The following XKR4 variants were observed in gnomAD, a reference collection of about 807,000 sequenced individuals.
XKR4 encodes XK-related protein 4.
A neutral mutation model predicts 53.9 loss-of-function variants in XKR4; 12 were observed. The observed-to-expected ratio is 0.22, with a 90% CI of 0.14 to 0.36. XKR4 has a LOEUF of 0.36. Among genes scored for constraint, XKR4 ranks in the 10% least tolerant of loss-of-function variants. The probability of loss-of-function intolerance (pLI) is 1.00; values close to 1 mark genes in which losing one functional copy is unlikely to be tolerated. For missense variants in XKR4, 799 were observed against 859.5 expected (o/e 0.93, Z 0.88); for synonymous variants, 354 against 362.4 (o/e 0.98, Z 0.26).
intron 1 of XKR4, among the ~76,000 whole-genome samples, chr8:55,160,373 G>A (rs1816966979): frequency 6.6e-6 from 1 of 152,216 alleles, no homozygotes; most frequent in Admixed American, 6.5e-5. Context: ...AGTGAGGAGG[G>A]AGTAGGATCA....
chr8:55,450,207 A>G, intron 2 of XKR4: 1 of 651,860 alleles, frequency 1.5e-6, no homozygotes, highest in Non-Finnish European at 2.8e-6. Flanking sequence ...GCCACACCAC[A>G]CAGCACCTGC....
At chr8:55,479,725 C>T (rs1052366122) in intron 2 of XKR4, among the ~76,000 whole-genome samples, 41 of 152,064 alleles carry the variant, frequency 2.7e-4, no homozygotes, top group Non-Finnish European at 3.4e-4. Flanking sequence ...ATATCACCAC[C>T]AATCCCACAG....
At chr8:55,271,898 C>G (rs1818695919) in intron 1 of XKR4, among the ~76,000 whole-genome samples, 1 of 152,204 alleles carries the variant, frequency 6.6e-6, no homozygotes, top group Admixed American at 6.5e-5. Context: ...GGCTGGCTTC[C>G]TGGGTTGCTT....
At chr8:55,446,027 G>A (rs1283027572) in intron 2 of XKR4, among the ~76,000 whole-genome samples, 1 of 152,172 alleles carries the variant, frequency 6.6e-6, no homozygotes, top group East Asian at 1.9e-4. Context: ...GCTGATTGAT[G>A]GAGTGAGCCA....
At position 55,534,304 on chromosome 8, in the gene XKR4, T is replaced by C. The variant is rs1197391114; in HGVS notation, c.*10077T>C. ...TTTCTATGTGGAATTGGCTATCCTG[T>C]TGCTTCTCAGGCCCTGCAAAACCTT... On this transcript the variant is annotated 3_prime_UTR_variant, in exon 3 of 3. Coordinates refer to ENST00000327381, the MANE Select transcript of XKR4 (RefSeq NM_052898.2). The C allele has an allele frequency of 6.6e-6, 1 of 151,754 alleles. No individual in the cohort carries two copies. Among genetic ancestry groups the C allele is most frequent in the Non-Finnish European group, 1.5e-5 (1 of 67,972 alleles). The allele number at this position is 151,754 out of a possible 1,614,324, so 9.4% of individuals were successfully genotyped here. A position where few individuals can be genotyped will look rare whatever the true frequency, so the allele number is the denominator to read the frequency against.
chr8:55,363,208 G>A (rs748168519), intron 2 of XKR4, among the ~76,000 whole-genome samples: 1 of 152,160 alleles, frequency 6.6e-6, no homozygotes, highest in Non-Finnish European at 1.5e-5. Context: ...GGGGTGTGCT[G>A]AGTGAGTTAC....
At chr8:55,267,877 A>G (rs1818633729) in intron 1 of XKR4, among the ~76,000 whole-genome samples, 1 of 152,214 alleles carries the variant, frequency 6.6e-6, no homozygotes, top group African/African-American at 2.4e-5. Context: ...AAGAAGAGAA[A>G]TCTCATAAGA....
chr8:55,335,675 A>C (rs958190198), intron 1 of XKR4, among the ~76,000 whole-genome samples: 1 of 152,190 alleles, frequency 6.6e-6, no homozygotes, highest in Non-Finnish European at 1.5e-5. Context: ...GACAATCCAA[A>C]TGTCCTACAA....
At chr8:55,175,930 G>T (rs1016673973) in intron 1 of XKR4, among the ~76,000 whole-genome samples, 2 of 152,172 alleles carry the variant, frequency 1.3e-5, no homozygotes, top group Non-Finnish European at 2.9e-5. Flanking sequence ...GTTGTTAGAA[G>T]AAATATGTTA....
chr8:55,449,278 C>T (rs1805388997), intron 2 of XKR4, among the ~76,000 whole-genome samples: 1 of 152,156 alleles, frequency 6.6e-6, no homozygotes, highest in East Asian at 1.9e-4. Flanking sequence ...CCATTGCGGG[C>T]TGTACTTTGG....
At chr8:55,264,644 T>C (rs1818573380) in intron 1 of XKR4, among the ~76,000 whole-genome samples, 1 of 152,196 alleles carries the variant, frequency 6.6e-6, no homozygotes, top group South Asian at 2.1e-4. Flanking sequence ...AGAAATCATG[T>C]AAAGGGAAGA....
intron 2 of XKR4, among the ~76,000 whole-genome samples, chr8:55,468,799 T>G (rs928057901): frequency 3.3e-5 from 5 of 152,174 alleles, no homozygotes; most frequent in African/African-American, 1.2e-4. Flanking sequence ...TCTTGATGTT[T>G]GACTTGAGGT....
At chr8:55,455,087 C>G (rs1805538465) in intron 2 of XKR4, 1 of 680,844 alleles carries the variant, frequency 1.5e-6, no homozygotes, top group East Asian at 2.7e-5. Context: ...CCCACTCCCG[C>G]GCGGGTGCGG....
At chr8:55,141,855 C>G (rs987502146) in intron 1 of XKR4, among the ~76,000 whole-genome samples, 2 of 151,982 alleles carry the variant, frequency 1.3e-5, no homozygotes, top group African/African-American at 4.8e-5. Flanking sequence ...TCAAGCAGCT[C>G]TAAGGGGCAT....
intron 1 of XKR4, among the ~76,000 whole-genome samples, chr8:55,151,330 A>G (rs1816837254): frequency 6.6e-6 from 1 of 152,230 alleles, no homozygotes; most frequent in African/African-American, 2.4e-5. Context: ...AGCTGAGGCT[A>G]TGGGAAAAAC....
At chr8:55,514,449 G>A (rs981171902) in intron 2 of XKR4, among the ~76,000 whole-genome samples, 1 of 151,978 alleles carries the variant, frequency 6.6e-6, no homozygotes, top group African/African-American at 2.4e-5. Context: ...TAGAGACGGG[G>A]TTTCACCACG....
At chr8:55,444,719 A>C (rs1805320798) in intron 2 of XKR4, among the ~76,000 whole-genome samples, 1 of 152,342 alleles carries the variant, frequency 6.6e-6, no homozygotes, top group Admixed American at 6.5e-5. Context: ...CGTACTGCTA[A>C]TGGGAATGTA....
chr8:55,407,018 G>A (rs1804694331), intron 2 of XKR4, among the ~76,000 whole-genome samples: 1 of 152,212 alleles, frequency 6.6e-6, no homozygotes, highest in South Asian at 2.1e-4. Context: ...TCTAAATCCT[G>A]GAGCCAGGAA....
At chr8:55,411,765 G>C (rs76408205) in intron 2 of XKR4, among the ~76,000 whole-genome samples, 3,185 of 152,192 alleles carry the variant, frequency 0.021, 60 homozygotes, top group Non-Finnish European at 0.034. Context: ...CCAAGGTGGC[G>C]AAGTGGCCCA....
Sources: gnomAD v4.1 joint callset for allele counts (sites outside exome capture counted in the v4.1 genomes callset) on GRCh38, gnomAD v4.1.1 for gene constraint, MANE v1.5 for transcripts, NCBI Gene and HGNC (gene_info 2026-07-23, HGNC 2026-07-21) for gene names.